The following GMPR2 variants were observed in gnomAD, a reference collection of about 807,000 sequenced individuals.
GMPR2 encodes the protein GMP reductase 2.
GMPR2 carries 32 observed loss-of-function variants against 38.5 expected under a neutral mutation model. The ratio of observed to expected loss-of-function variants is 0.83; its 90% confidence interval spans 0.63 to 1.12. GMPR2 has a LOEUF of 1.12. Among genes scored for constraint, GMPR2 ranks in the 50% most tolerant of loss-of-function variants. The probability of loss-of-function intolerance (pLI) is 0.00; values close to 1 mark genes in which losing one functional copy is unlikely to be tolerated. For missense variants in GMPR2, 396 were observed against 432.1 expected, an observed-to-expected ratio of 0.92 and a Z score of 0.74; for synonymous variants, 154 against 151.0, an observed-to-expected ratio of 1.02 and a Z score of -0.15.
chr14:24,237,183 C>T (rs1450640492), intron 6 of GMPR2, 31 bp downstream of exon 6: 1 of 1,539,624 alleles, frequency 6.5e-7, no homozygotes, highest in Non-Finnish European at 9.0e-7. Flanking sequence ...CACTGGCTAC[C>T]CCCCTTCAGT....
At chr14:24,238,103 T>G in intron 8 of GMPR2, 143 bp from the exon 9 acceptor site, 1 of 704,500 alleles carries the variant, frequency 1.4e-6, no homozygotes, top group Non-Finnish European at 2.4e-6. Flanking sequence ...CCTGCGTGGA[T>G]TGTGGGTCAG....
intron 8 of GMPR2, 132 bp downstream of exon 8, chr14:24,237,694 AG>A (rs2040413912): frequency 1.2e-6 from 1 of 832,256 alleles, no homozygotes; most frequent in African/African-American, 1.7e-5. Context: ...GTGACTCCGA[AG>A]TCTATGGTAT....
chr14:24,236,288 T>A (rs766399038), intron 5 of GMPR2, 148 bp downstream of exon 5: 32 of 685,536 alleles, frequency 4.7e-5, no homozygotes, highest in Non-Finnish European at 7.1e-5. Flanking sequence ...AGTTCTAAGC[T>A]GAAAATGTCT....
At chr14:24,238,503 CG>C in intron 9 of GMPR2, 85 bp from the exon 10 acceptor site, 1 of 1,613,880 alleles carries the variant, frequency 6.2e-7, no homozygotes, top group Non-Finnish European at 8.5e-7. Flanking sequence ...CATGGTGAAC[CG>C]GGGCTCAATG....
intron 1 of GMPR2, 91 bp downstream of exon 1, chr14:24,233,068 C>T: frequency 1.1e-6 from 1 of 919,216 alleles, no homozygotes. Flanking sequence ...AGGGTAATCG[C>T]AGCCACGGGA....
intron 9 of GMPR2, 34 bp from the exon 10 acceptor site, chr14:24,238,552 CAGA>C: frequency 6.2e-7 from 1 of 1,613,964 alleles, no homozygotes; most frequent in Non-Finnish European, 8.5e-7. Context: ...TTAAGGAATC[CAGA>C]AGGAGAAGAT....
At chr14:24,238,214 T>G in intron 8 of GMPR2, 32 bp from the exon 9 acceptor site, 1 of 1,584,246 alleles carries the variant, frequency 6.3e-7, no homozygotes. Context: ...TTGGCCAGAT[T>G]AATCTCTTTC....
At chr14:24,237,999 G>A (rs2040426690) in intron 8 of GMPR2, 3 of 490,634 alleles carry the variant, frequency 6.1e-6, no homozygotes, top group East Asian at 3.1e-5. Context: ...AGCAAAAGGA[G>A]AAAGCAAAAG....
Position 24,234,304 on chromosome 14 carries a change from G to A in GMPR2, c.207+706G>A, listed in dbSNP as rs1158048948. 6 of 1,110,302 alleles carry A rather than the reference G, an allele frequency of 5.4e-6. No individual in the cohort carries two copies. In the African/African-American group the frequency reaches 6.5e-5, roughly 12 times the overall value. The allele number at this position is 1,110,302 out of a possible 1,614,324, so 68.8% of individuals were successfully genotyped here. On this transcript the variant is annotated intron_variant, in intron 3 of 9. Transcript: ENST00000399440. Reference sequence around the variant, plus strand: ...TCTGCTGGTTGATCCATGTAGCCCTGGTTGATGAATTCTGCTATTGTTTGT... The same window carrying A: ...TCTGCTGGTTGATCCATGTAGCCCTAGTTGATGAATTCTGCTATTGTTTGT...
chr14:24,233,434 T>G (rs1001953122), intron 2 of GMPR2, 45 bp from the exon 3 acceptor site: 21 of 1,608,148 alleles, frequency 1.3e-5, no homozygotes, highest in Non-Finnish European at 1.8e-5. Flanking sequence ...ATATGGTACG[T>G]TTTTTGGATT....
Position 24,233,987 on chromosome 14 carries a change from T to G in GMPR2, c.207+389T>G. On this transcript the variant is annotated intron_variant, in intron 3 of 9. Coordinates refer to ENST00000399440, the MANE Select transcript of GMPR2 (RefSeq NM_001002002.3). Reference sequence around the variant, plus strand: ...TAGTCCAGAAACTACAGTTTAAGCATTCAAAAATCCTAACTAGAAGATCCT... The same window carrying G: ...TAGTCCAGAAACTACAGTTTAAGCAGTCAAAAATCCTAACTAGAAGATCCT... 14 of 739,806 alleles carry G rather than the reference T, an allele frequency of 1.9e-5. No individual in the cohort carries two copies. In the South Asian group the frequency reaches 2.1e-4, roughly 11 times the overall value. 45.8% of individuals were successfully genotyped at this position (739,806 alleles called of 1,614,324 possible). A position where few individuals can be genotyped will look rare whatever the true frequency, so the allele number is the denominator to read the frequency against.
chr14:24,236,821 C>T (rs751167592), intron 5 of GMPR2, among the ~76,000 whole-genome samples: 9 of 152,168 alleles, frequency 5.9e-5, no homozygotes, highest in South Asian at 4.1e-4. Flanking sequence ...TCATGGACCT[C>T]GGCTTTACCC....
intron 3 of GMPR2, chr14:24,234,041 A>G: frequency 8.4e-7 from 1 of 1,195,538 alleles, no homozygotes; most frequent in African/African-American, 1.6e-5. Flanking sequence ...ATTTTCTTTA[A>G]TAAGAACAAT....
chr14:24,238,150 G>C, intron 8 of GMPR2, 96 bp from the exon 9 acceptor site: 5 of 1,122,300 alleles, frequency 4.5e-6, no homozygotes, highest in Middle Eastern at 3.1e-4. Context: ...TGGAATCATT[G>C]TCAGGACTGA....
intron 1 of GMPR2, 114 bp downstream of exon 1, chr14:24,233,091 A>G: frequency 2.5e-6 from 3 of 1,195,948 alleles, no homozygotes; most frequent in Non-Finnish European, 3.7e-6. Flanking sequence ...GGTCGAGGTG[A>G]CAGGCTTCAG....
At position 24,233,558 on chromosome 14, in the gene GMPR2, A is replaced by G. The variant is rs1317018866; in HGVS notation, c.167A>G (p.Asp56Gly). The G allele has an allele frequency of 6.2e-7, 1 of 1,614,052 alleles. No homozygotes were observed. The highest frequency in any genetic ancestry group is 8.5e-7 in the Non-Finnish European group (1 of 1,179,936). Residue 56 changes from aspartate to glycine, a missense_variant, in exon 3 of 10, where the codon GAT (aspartate) becomes GGT (glycine). Coordinates refer to ENST00000399440, the MANE Select transcript of GMPR2 (RefSeq NM_001002002.3). ...SGVPIIAANM[D>G]TVGTFEMAKV... is the part of the protein sequence containing the mutation. ...GTTCCCATCATTGCTGCCAATATGG[A>G]TACTGTGGGCACCTTTGAGATGGCC... is the stretch of plus-strand genomic sequence containing the variant.
intron 6 of GMPR2, 38 bp from the exon 7 acceptor site, chr14:24,237,207 G>A (rs2040386083): frequency 8.4e-6 from 13 of 1,549,512 alleles, no homozygotes; most frequent in Non-Finnish European, 1.2e-5. Flanking sequence ...AAACACCTGT[G>A]GAGCACGTCA....
At chr14:24,235,669 G>A in intron 3 of GMPR2, 68 bp from the exon 4 acceptor site, 2 of 1,025,216 alleles carry the variant, frequency 2.0e-6, no homozygotes, top group Non-Finnish European at 3.1e-6. Context: ...GATAGAATAG[G>A]TCTGTTTCTA....
chr14:24,238,226 C>A lies in GMPR2; in HGVS notation c.698-20C>A, dbSNP rs536443979. ...ACCTTGGCCAGATTAATCTCTTTCC[C>A]CCCTCCATGATGGTGGCAGGGGCAG... On this transcript the variant is annotated intron_variant, in intron 8 of 9. Transcript: ENST00000399440. 1.6e-5 allele frequency: 26 copies of A among 1,595,662 alleles called. 1 individual carries two copies. The South Asian group carries it at 2.8e-4, about 17-fold the overall frequency.
Sources: allele counts gnomAD v4.1 joint callset (sites outside exome capture counted in the v4.1 genomes callset), GRCh38; gene constraint gnomAD v4.1.1; transcripts MANE v1.5; gene names NCBI Gene and HGNC (gene_info 2026-07-23, HGNC 2026-07-21).